Variants in BCL7C observed in about 807,000 individuals in gnomAD.
BCL7C encodes the protein BAF chromatin remodeling complex subunit BCL7C.
BCL7C carries 8 observed loss-of-function variants against 26.2 expected under a neutral mutation model. The ratio of observed to expected loss-of-function variants is 0.30; its 90% confidence interval spans 0.18 to 0.55. BCL7C has a LOEUF of 0.55. BCL7C is among the 20% of genes least tolerant of loss of function. The probability of loss-of-function intolerance (pLI) is 0.93; values close to 1 mark genes in which losing one functional copy is unlikely to be tolerated. For missense variants in BCL7C, 262 were observed against 298.5 expected (o/e 0.88, Z 0.90); for synonymous variants, 90 against 116.5 (o/e 0.77, Z 1.47).
chr16:30,877,565 G>A (rs533399466), intron 5 of BCL7C, among the ~76,000 whole-genome samples: 31 of 151,764 alleles, frequency 2.0e-4, no homozygotes, highest in Non-Finnish European at 4.0e-4. Context: ...TCAGCCTCCC[G>A]AGTAGCTGGG....
rs2054634153 is a variant in BCL7C at position 30,846,199 on chromosome 16, A to AATTAATTTATTT, written c.529-11052_529-11051insAAATAAATTAAT. Among the ~76,000 whole-genome samples, 9 of 131,452 alleles carry AATTAATTTATTT rather than the reference A, an allele frequency of 6.8e-5. No homozygotes were observed. The South Asian group carries it at 7.9e-4, about 11-fold the overall frequency. 86.2% of individuals were successfully genotyped at this position (131,452 alleles called of 152,430 possible). On this transcript the variant is annotated intron_variant, in intron 5 of 5. Coordinates refer to the BCL7C transcript ENST00000380317. ...CACCACCATGCCTGGCTAATTTTAA[A>AATTAATTTATTT]ATTTATTTATTTATTTATTTATTTA...
At chr16:30,889,072 A>G in intron 4 of BCL7C, 127 bp from the exon 5 acceptor site, 1 of 885,512 alleles carries the variant, frequency 1.1e-6, no homozygotes, top group Non-Finnish European at 1.8e-6. Context: ...CAGAGAGGAG[A>G]GAGCAGGAAC....
At chr16:30,840,992 T>C (rs1014622686) in intron 5 of BCL7C, among the ~76,000 whole-genome samples, 3 of 152,026 alleles carry the variant, frequency 2.0e-5, no homozygotes, top group African/African-American at 7.2e-5. Flanking sequence ...CCAAACCATA[T>C]CAAAGACCTT....
chr16:30,892,676 T>C lies in BCL7C; in HGVS notation c.352A>G (p.Thr118Ala). 1 of 1,613,474 alleles carries C rather than the reference T, an allele frequency of 6.2e-7. No homozygotes were observed. Among genetic ancestry groups the C allele is most frequent in the Non-Finnish European group, 8.5e-7 (1 of 1,179,808 alleles). ...GACACAGGGCGGCTGGGCTGGGGGG[T>C]GCCCCCAGGACTGGGCTCTGTGCCC... Reference protein sequence around the residue: ...QKGTEPSPGGTPQPSRPVSPA... With the variant: ...QKGTEPSPGGAPQPSRPVSPA... The change falls in exon 4 of 6, where the codon ACC (threonine) becomes GCC (alanine). Residue 118 changes from threonine to alanine, a missense_variant. Transcript: ENST00000215115.
Position 30,837,312 on chromosome 16 carries a change from G to T in BCL7C, c.529-2164C>A, listed in dbSNP as rs190659450. Among the ~76,000 whole-genome samples, 64 of 152,202 alleles carry T rather than the reference G, an allele frequency of 4.2e-4. 1 individual carries two copies. The highest frequency in any genetic ancestry group is 3.8e-3 in the Admixed American group (58 of 15,274). On this transcript the variant is annotated intron_variant, in intron 5 of 5. Transcript: ENST00000380317. The stretch of plus-strand genomic sequence containing the variant: ...GCATCCTGTTCATTCCAGAAAGTAA[G>T]GATATTTTCAAGGATATTGGGGTAG...
chr16:30,892,819 C>A, intron 3 of BCL7C, 21 bp downstream of exon 3: 1 of 1,613,734 alleles, frequency 6.2e-7, no homozygotes, highest in Non-Finnish European at 8.5e-7. Context: ...CAGCCCCCCG[C>A]GTTTCAGGAT....
At position 30,894,030 on chromosome 16, in the gene BCL7C, C is replaced by A. The variant is rs867218269; in HGVS notation, c.-86G>T. The A allele has an allele frequency of 3.8e-6, 2 of 520,552 alleles. No individual in the cohort carries two copies. Among genetic ancestry groups the A allele is most frequent in the Non-Finnish European group, 5.1e-6 (2 of 391,386 alleles). 32.2% of individuals were successfully genotyped at this position (520,552 alleles called of 1,614,324 possible). A position where few individuals can be genotyped will look rare whatever the true frequency, so the allele number is the denominator to read the frequency against. ...CAGGCTCCGCGCCAGGCCCGGGCGC[C>A]GCGCTCTCGGCCTGCCGTCCCCCCT... On this transcript the variant is annotated 5_prime_UTR_variant, in exon 1 of 6. Transcript: ENST00000215115.
chr16:30,841,057 A>G (rs1387332665), intron 5 of BCL7C, among the ~76,000 whole-genome samples: 1 of 152,112 alleles, frequency 6.6e-6, no homozygotes, highest in African/African-American at 2.4e-5. Context: ...ATATAAACAT[A>G]CAGCCCTGGA....
At chr16:30,859,777 TTC>T (rs1350365889) in intron 5 of BCL7C, among the ~76,000 whole-genome samples, 2 of 152,236 alleles carry the variant, frequency 1.3e-5, no homozygotes, top group Non-Finnish European at 2.9e-5. Context: ...CCTTTGCTGA[TTC>T]TGTTTTCGGA....
intron 5 of BCL7C, among the ~76,000 whole-genome samples, chr16:30,836,861 T>C (rs2054572620): frequency 6.6e-6 from 1 of 151,744 alleles, no homozygotes; most frequent in African/African-American, 2.4e-5. Flanking sequence ...TGGTGCTGTC[T>C]TGACTCACTG....
rs955910624 is a variant in BCL7C at position 30,893,786 on chromosome 16, C to T, written c.92+67G>A. On this transcript the variant is annotated intron_variant, in intron 1 of 5. Coordinates refer to ENST00000215115, the MANE Select transcript of BCL7C (RefSeq NM_004765.4). This position sits in a 1 kb window ranked among gnomAD's most constrained non-coding sequence, Gnocchi z 5.2. ...ACCCGGGGCCCAGAGCTGGCGAGGG[C>T]AGCGTAGACGCCTTTGGTGCTGGTG... 6.3e-6 allele frequency: 9 copies of T among 1,439,722 alleles called. No individual in the cohort carries two copies. The Admixed American group carries it at 1.4e-4, about 22-fold the overall frequency. The allele number at this position is 1,439,722 out of a possible 1,614,324, so 89.2% of individuals were successfully genotyped here. A position where few individuals can be genotyped will look rare whatever the true frequency, so the allele number is the denominator to read the frequency against.
intron 5 of BCL7C, among the ~76,000 whole-genome samples, chr16:30,836,471 CTTTTTTT>C (rs762842983): frequency 6.0e-5 from 7 of 116,964 alleles, no homozygotes; most frequent in South Asian, 2.7e-4. Context: ...GAGACCCTGT[CTTTTTTT>C]TTTTTTTTTT....
At position 30,892,496 on chromosome 16, in the gene BCL7C, G is replaced by A. The variant is rs191647161; in HGVS notation, c.442+90C>T. On this transcript the variant is annotated intron_variant, in intron 4 of 5. Coordinates refer to ENST00000215115, the MANE Select transcript of BCL7C (RefSeq NM_004765.4). ...GCGCCTTGAGGAGGGTGCACAAGAC[G>A]GGGAGCAGGTATAGGGATGAGCTGG... is the stretch of plus-strand genomic sequence containing the variant. 1.2e-5 allele frequency: 17 copies of A among 1,363,390 alleles called. No individual in the cohort carries two copies. The East Asian group carries it at 2.4e-4, about 19-fold the overall frequency. 84.5% of individuals were successfully genotyped at this position (1,363,390 alleles called of 1,614,324 possible).
In BCL7C at chr16:30,893,113, A is replaced by G. The variant is rs2055280769; in HGVS notation, c.171+99T>C. 34 of 1,342,846 alleles carry G rather than the reference A, an allele frequency of 2.5e-5. No homozygotes were observed. In the South Asian group the frequency reaches 4.3e-4, roughly 17 times the overall value. 83.2% of individuals were successfully genotyped at this position (1,342,846 alleles called of 1,614,324 possible). A position where few individuals can be genotyped will look rare whatever the true frequency, so the allele number is the denominator to read the frequency against. ...TGATGGTTCCCGTCTGTCCTGCTGC[A>G]TCTGAGGTCTCGGGGAGCTGGAGGT... On this transcript the variant is annotated intron_variant, in intron 2 of 5. Transcript: ENST00000215115. This position sits in a 1 kb window ranked among gnomAD's most constrained non-coding sequence, Gnocchi z 5.2.
Position 30,888,946 on chromosome 16 carries a change from C to T in BCL7C, c.443-1G>A. 1.2e-6 allele frequency: 2 copies of T among 1,613,920 alleles called. No homozygotes were observed. Among genetic ancestry groups the T allele is most frequent in the Non-Finnish European group, 8.5e-7 (1 of 1,179,852 alleles). On this transcript the variant is annotated splice_acceptor_variant, in intron 4 of 5. Transcript: ENST00000215115. LOFTEE classifies it high-confidence loss of function. ...CTGCCAGCAGTTATGCCCCCGGGAT[C>T]TGGAACGTCAAGGTAACAAACATCC...
chr16:30,869,885 C>A (rs764282047), intron 5 of BCL7C, among the ~76,000 whole-genome samples: 1 of 152,120 alleles, frequency 6.6e-6, no homozygotes, highest in Admixed American at 6.6e-5. Flanking sequence ...AATGAGTAAA[C>A]AAATTATTCC....
At chr16:30,869,309 A>T (rs1180533890) in intron 5 of BCL7C, among the ~76,000 whole-genome samples, 1 of 151,956 alleles carries the variant, frequency 6.6e-6, no homozygotes, top group Non-Finnish European at 1.5e-5. Context: ...CCCAGGTTCC[A>T]GCAATCCTCC....
At chr16:30,851,468 G>C in intron 5 of BCL7C, 1 of 212,632 alleles carries the variant, frequency 4.7e-6, no homozygotes, top group Non-Finnish European at 9.5e-6. Context: ...TCGAACTCCT[G>C]ACCTCAAGTG....
chr16:30,888,496 C>T (rs1361533635), intron 5 of BCL7C, among the ~76,000 whole-genome samples: 1 of 152,022 alleles, frequency 6.6e-6, no homozygotes, highest in East Asian at 1.9e-4. Context: ...GCCACCACGC[C>T]CGGCTAATTT....
Sources: allele counts gnomAD v4.1 joint callset (sites outside exome capture counted in the v4.1 genomes callset), GRCh38; gene constraint gnomAD v4.1.1; non-coding constraint Gnocchi (gnomAD v3.1); transcripts MANE v1.5; gene names NCBI Gene and HGNC (gene_info 2026-07-23, HGNC 2026-07-21).